SULT4A1: variants seen among roughly 807,000 people sequenced by gnomAD.
SULT4A1 encodes the protein sulfotransferase 4A1.
In SULT4A1, 11 loss-of-function variants were observed where a neutral mutation model predicts 35.2. The ratio of observed to expected loss-of-function variants is 0.31; its 90% CI spans 0.20 to 0.52. SULT4A1 has a LOEUF of 0.52. Among genes scored for constraint, SULT4A1 ranks in the 20% least tolerant of loss-of-function variants. The pLI is 0.97. For missense variants in SULT4A1, 271 were observed against 383.7 expected (o/e 0.71, Z 2.45); for synonymous variants, 152 against 151.8 (o/e 1.00, Z -0.01).
rs1462872025 is a variant in SULT4A1 at position 43,862,448 on chromosome 22, C to CCCGCGT, written c.-67_-66insACGCGG. ...CAGCCCGCACGCGCCCGCGCCCGCGCCCGCGCCCGCGCCCCGCACACGCTC... is the reference window on the plus strand; with the variant it reads ...CAGCCCGCACGCGCCCGCGCCCGCGCCCGCGTCCGCGCCCGCGCCCCGCACACGCTC... On this transcript the variant is annotated 5_prime_UTR_variant, in exon 1 of 7. Coordinates refer to ENST00000330884, the MANE Select transcript of SULT4A1 (RefSeq NM_014351.4). 2.1e-6 allele frequency: 2 copies of CCCGCGT among 972,338 alleles called. No individual in the cohort carries two copies. The highest frequency in any genetic ancestry group is 3.6e-5 in the African/African-American group (2 of 56,138). The allele number at this position is 972,338 out of a possible 1,614,324, so 60.2% of individuals were successfully genotyped here.
intron 1 of SULT4A1, 42 bp downstream of exon 1, chr22:43,862,172 G>A: frequency 2.7e-6 from 4 of 1,489,552 alleles, no homozygotes; most frequent in Non-Finnish European, 3.6e-6. Flanking sequence ...GCGCTGCAGG[G>A]CTGGGGCATG....
chr22:43,859,075 C>G (rs2049436282), intron 1 of SULT4A1, among the ~76,000 whole-genome samples: 1 of 152,146 alleles, frequency 6.6e-6, no homozygotes, highest in African/African-American at 2.4e-5. Flanking sequence ...GCCACAAGGT[C>G]ACCATCACCT....
intron 6 of SULT4A1, chr22:43,826,635 ATCAT>A: frequency 1.0e-6 from 1 of 985,440 alleles, no homozygotes; most frequent in South Asian, 4.7e-5. Flanking sequence ...GGAAAAAAAA[ATCAT>A]TCAAAGTGCA....
In SULT4A1 at chr22:43,847,569, G is replaced by A. The variant is rs2063484431; in HGVS notation, c.170-5637C>T. 2.6e-5 allele frequency among the ~76,000 whole-genome samples: 4 copies of A among 151,816 alleles called. No individual in the cohort carries two copies. In the South Asian group the frequency reaches 8.3e-4, roughly 32 times the overall value. ...CCTGAGGTCCCAGTGATGTGGCCCT[G>A]CCAGCCCTCCACCCACCCCCTCTTC... On this transcript the variant is annotated intron_variant, in intron 1 of 6. Coordinates refer to ENST00000330884, the MANE Select transcript of SULT4A1 (RefSeq NM_014351.4).
At chr22:43,842,095 TG>T (rs2063435834) in intron 1 of SULT4A1, among the ~76,000 whole-genome samples, 163 bp from the exon 2 acceptor site, 1 of 152,206 alleles carries the variant, frequency 6.6e-6, no homozygotes, top group African/African-American at 2.4e-5. Flanking sequence ...GGTCTCAGCC[TG>T]AATCCCCCGT....
At chr22:43,844,946 G>A (rs1010478367) in intron 1 of SULT4A1, among the ~76,000 whole-genome samples, 1 of 152,164 alleles carries the variant, frequency 6.6e-6, no homozygotes, top group Non-Finnish European at 1.5e-5. Context: ...CTTGAGTGCA[G>A]AGTCCCATTC....
rs769714498 is a variant in SULT4A1, at chr22:43,838,854, C to CT, written c.508+12dup. ...GCTCCGGTTCTAACATGCCGCCAGG[C>CT]TGCAACACTCACGCTTATCATTCAT... On this transcript the variant is annotated intron_variant, in intron 4 of 6. Coordinates refer to ENST00000330884, the MANE Select transcript of SULT4A1 (RefSeq NM_014351.4). The CT allele has an allele frequency of 1.2e-6, 2 of 1,613,828 alleles. No homozygotes were observed. The highest frequency in any genetic ancestry group is 2.2e-5 in the South Asian group (2 of 91,074).
chr22:43,862,436 CCCGCG>C lies in SULT4A1; in HGVS notation c.-59_-55del. Reference sequence around the variant, plus strand: ...CCTCCCGGCTCGCAGCCCGCACGCGCCCGCGCCCGCGCCCGCGCCCGCGCCCCGCA... The same window carrying C: ...CCTCCCGGCTCGCAGCCCGCACGCGCCCCGCGCCCGCGCCCGCGCCCCGCA... On this transcript the variant is annotated 5_prime_UTR_variant, in exon 1 of 7. Transcript: ENST00000330884. 1.6e-5 allele frequency: 8 copies of C among 501,790 alleles called. No individual in the cohort carries two copies. The highest frequency in any genetic ancestry group is 1.9e-5 in the Non-Finnish European group (8 of 416,766). 31.1% of individuals were successfully genotyped at this position (501,790 alleles called of 1,614,324 possible).
chr22:43,861,001 T>C (rs2049460988), intron 1 of SULT4A1, among the ~76,000 whole-genome samples: 1 of 152,156 alleles, frequency 6.6e-6, no homozygotes, highest in Non-Finnish European at 1.5e-5. Flanking sequence ...TTAACAGCGA[T>C]AGAGCACTTG....
intron 5 of SULT4A1, among the ~76,000 whole-genome samples, chr22:43,832,418 A>G (rs1225960707): frequency 1.3e-5 from 2 of 152,202 alleles, no homozygotes; most frequent in Non-Finnish European, 2.9e-5. Context: ...GCAGACCTGC[A>G]GACGGGGTCC....
At chr22:43,839,911 C>T (rs1230879109) in intron 3 of SULT4A1, 34 bp downstream of exon 3, 3 of 1,576,722 alleles carry the variant, frequency 1.9e-6, no homozygotes, top group South Asian at 2.3e-5. Context: ...TTGGTGGGGA[C>T]TCATCTCGGG....
At chr22:43,838,317 C>T (rs530352292) in intron 4 of SULT4A1, among the ~76,000 whole-genome samples, 5 of 152,212 alleles carry the variant, frequency 3.3e-5, no homozygotes, top group Non-Finnish European at 7.3e-5. Flanking sequence ...ACTCTCGGCC[C>T]GGCTGTCCTC....
At position 43,862,490 on chromosome 22, in the gene SULT4A1, C is replaced by A. The variant is rs1650716065; in HGVS notation, c.-108G>T. On this transcript the variant is annotated 5_prime_UTR_variant, in exon 1 of 7. Transcript: ENST00000330884. Reference sequence around the variant, plus strand: ...CACACGCTCGCGCCCCACCGGCGCGCGGCGGCAGCTCCGCAGGCGTGACGT... The same window carrying A: ...CACACGCTCGCGCCCCACCGGCGCGAGGCGGCAGCTCCGCAGGCGTGACGT... 1 of 942,566 alleles carries A rather than the reference C, an allele frequency of 1.1e-6. No homozygotes were observed. 58.4% of individuals were successfully genotyped at this position (942,566 alleles called of 1,614,324 possible). A position where few individuals can be genotyped will look rare whatever the true frequency, so the allele number is the denominator to read the frequency against.
chr22:43,830,159 T>G (rs2063315607), intron 5 of SULT4A1, among the ~76,000 whole-genome samples: 1 of 152,078 alleles, frequency 6.6e-6, no homozygotes, highest in Non-Finnish European at 1.5e-5. Flanking sequence ...AGGGCTTGAC[T>G]CAAGAGTCAG....
chr22:43,829,292 A>G, intron 5 of SULT4A1, 94 bp from the exon 6 acceptor site: 1 of 1,340,484 alleles, frequency 7.5e-7, no homozygotes, highest in Non-Finnish European at 9.9e-7. Flanking sequence ...AGGACTTTTT[A>G]CACACGGCCT....
chr22:43,848,567 G>C (rs1051162184), intron 1 of SULT4A1, among the ~76,000 whole-genome samples: 2 of 152,248 alleles, frequency 1.3e-5, no homozygotes, highest in Non-Finnish European at 2.9e-5. Flanking sequence ...AAGGCACTGG[G>C]AAGTGGGGGC....
At chr22:43,834,313 G>T (rs1378537286) in intron 4 of SULT4A1, among the ~76,000 whole-genome samples, 11 of 134,236 alleles carry the variant, frequency 8.2e-5, no homozygotes, top group East Asian at 2.3e-4. Context: ...CCCCCACCGC[G>T]TCCCTGTGCT....
At chr22:43,833,872 T>G in intron 4 of SULT4A1, 138 bp from the exon 5 acceptor site, 1 of 721,520 alleles carries the variant, frequency 1.4e-6, no homozygotes, top group Non-Finnish European at 2.3e-6. Flanking sequence ...CGGACAAGTC[T>G]GGCAAAGGCC....
intron 1 of SULT4A1, among the ~76,000 whole-genome samples, chr22:43,861,207 C>T (rs982158864): frequency 2.0e-5 from 3 of 152,206 alleles, no homozygotes; most frequent in African/African-American, 7.2e-5. Flanking sequence ...GAGACCTGCC[C>T]TCAGGTGTCT....
Sources: allele counts gnomAD v4.1 joint callset (sites outside exome capture counted in the v4.1 genomes callset), GRCh38; gene constraint gnomAD v4.1.1; transcripts MANE v1.5; gene names NCBI Gene and HGNC (gene_info 2026-07-23, HGNC 2026-07-21).